The following EFNA4 variants were observed in gnomAD, a reference collection of about 807,000 sequenced individuals.
The protein encoded by EFNA4 is ephrin A4.
Under a neutral mutation model 23.7 loss-of-function variants are expected in EFNA4, and 22 were observed. That is an observed-to-expected ratio of 0.93 (90% CI 0.66 to 1.32). The LOEUF is 1.32. Ranked by LOEUF, EFNA4 falls within the 40% of genes most tolerant of loss-of-function variation. The probability of loss-of-function intolerance (pLI) is 0.00; values close to 1 mark genes in which losing one functional copy is unlikely to be tolerated. For synonymous variants in EFNA4, 113 were observed against 108.3 expected (o/e 1.04, Z -0.27); for missense variants, 252 against 252.3 (o/e 1.00, Z 0.01).
chr1:155,065,837 A>G (rs575894968), intron 1 of EFNA4, among the ~76,000 whole-genome samples: 4 of 152,002 alleles, frequency 2.6e-5, no homozygotes, highest in Admixed American at 2.6e-4. Context: ...GGTTCACGCC[A>G]TTCTCCTGCC....
Position 155,069,402 on chromosome 1 carries a change from G to A in EFNA4, c.*413G>A. The A allele has an allele frequency of 1.9e-6, 1 of 517,286 alleles. No homozygotes were observed. Among genetic ancestry groups the A allele is most frequent in the Non-Finnish European group, 3.3e-6 (1 of 299,484 alleles). 32.0% of individuals were successfully genotyped at this position (517,286 alleles called of 1,614,324 possible). ...TCTGTGCCCTGTGGGCCTTTTCCCT[G>A]GGGCAGCACCTTGCCCTCCCCAGGG... is the stretch of plus-strand genomic sequence containing the variant. On this transcript the variant is annotated 3_prime_UTR_variant, in exon 4 of 4. Transcript: ENST00000368409.
chr1:155,067,262 C>T lies in EFNA4; in HGVS notation c.401-110C>T, dbSNP rs143447984. The T allele has an allele frequency of 5.0e-4, 666 of 1,336,246 alleles. 2 individuals are homozygous for T. The African/African-American group carries it at 8.2e-3, about 16-fold the overall frequency. 82.8% of individuals were successfully genotyped at this position (1,336,246 alleles called of 1,614,324 possible). On this transcript the variant is annotated intron_variant, in intron 2 of 3. Coordinates refer to ENST00000368409, the MANE Select transcript of EFNA4 (RefSeq NM_005227.3). Reference sequence around the variant, plus strand: ...TGGGTGTGGCCCCAAAGTAAGGAAACGCTTTCCAGGGACCTGGAGAGAAGA... The same window carrying T: ...TGGGTGTGGCCCCAAAGTAAGGAAATGCTTTCCAGGGACCTGGAGAGAAGA...
chr1:155,066,808 AG>A lies in EFNA4; in HGVS notation c.195del (p.Pro67LeufsTer79). The A allele has an allele frequency of 6.2e-7, 1 of 1,613,758 alleles. No individual in the cohort carries two copies. The highest frequency in any genetic ancestry group is 8.5e-7 in the Non-Finnish European group (1 of 1,179,866). ...DIVCPHYEGP[G>X]PPEGPETFAL... ...TTGTCTGCCCCCACTACGAAGGCCCAGGGCCCCCTGAGGGCCCCGAGACGTT... is the reference window on the plus strand; with the variant it reads ...TTGTCTGCCCCCACTACGAAGGCCCAGGCCCCCTGAGGGCCCCGAGACGTT... On this transcript the variant is annotated frameshift_variant, in exon 2 of 4. Transcript: ENST00000368409. LOFTEE classifies it high-confidence loss of function.
In EFNA4 at chr1:155,069,151, C is replaced by G. The variant is rs570670486; in HGVS notation, c.*162C>G. On this transcript the variant is annotated 3_prime_UTR_variant, in exon 4 of 4. Coordinates refer to ENST00000368409, the MANE Select transcript of EFNA4 (RefSeq NM_005227.3). The stretch of plus-strand genomic sequence containing the variant: ...GGGTCTGAGGTGACTCTTGCAGGAG[C>G]CTGTCCCCTCATCACAGGCTAAAGA... 4 of 1,608,730 alleles carry G rather than the reference C, an allele frequency of 2.5e-6. No homozygotes were observed. Among genetic ancestry groups the G allele is most frequent in the Admixed American group, 1.7e-5 (1 of 58,114 alleles).
rs149262026 is a variant in EFNA4 at position 155,065,700 on chromosome 1, CTTTATTTATTTATTTA to C, written c.114-998_114-983del. 8.9e-4 allele frequency among the ~76,000 whole-genome samples: 110 copies of C among 123,868 alleles called. 1 individual carries two copies. The highest frequency in any genetic ancestry group is 2.7e-3 in the African/African-American group (86 of 31,606). 81.3% of individuals were successfully genotyped at this position (123,868 alleles called of 152,430 possible). A position where few individuals can be genotyped will look rare whatever the true frequency, so the allele number is the denominator to read the frequency against. ...ACAGGAGTGCACCACCACTCATGGC[CTTTATTTATTTATTTA>C]TTTATTTATTTATTTATTTATTTAT... On this transcript the variant is annotated intron_variant, in intron 1 of 3. Transcript: ENST00000368409.
At chr1:155,067,882 A>G (rs1188780274) in intron 3 of EFNA4, among the ~76,000 whole-genome samples, 1 of 150,286 alleles carries the variant, frequency 6.7e-6, no homozygotes, top group Non-Finnish European at 1.5e-5. Flanking sequence ...CAGCCTCCCA[A>G]AGTGCTGAGA....
At chr1:155,065,526 C>CTTT (rs71586050) in intron 1 of EFNA4, among the ~76,000 whole-genome samples, 1 of 131,590 alleles carries the variant, frequency 7.6e-6, no homozygotes. Flanking sequence ...CTCCCTCATT[C>CTTT]TTTTTTTTTT....
chr1:155,068,093 A>T lies in EFNA4; in HGVS notation c.469+653A>T, dbSNP rs114785244. ...GTGCCACCACAACTCACAACTGGCTAAATTACTTTTTATTTTTTGTAGAGA... is the reference window on the plus strand; with the variant it reads ...GTGCCACCACAACTCACAACTGGCTTAATTACTTTTTATTTTTTGTAGAGA... On this transcript the variant is annotated intron_variant, in intron 3 of 3. Coordinates refer to ENST00000368409, the MANE Select transcript of EFNA4 (RefSeq NM_005227.3). 1.3e-3 allele frequency among the ~76,000 whole-genome samples: 193 copies of T among 151,880 alleles called. 1 individual carries two copies. The highest frequency in any genetic ancestry group is 4.4e-3 in the African/African-American group (183 of 41,406).
chr1:155,064,081 G>C (rs903933202), intron 1 of EFNA4, 145 bp downstream of exon 1: 6 of 496,512 alleles, frequency 1.2e-5, no homozygotes, highest in African/African-American at 8.5e-5. Flanking sequence ...GGGGAGGGGG[G>C]AGGGGCGAGG....
chr1:155,068,427 A>ATTTTTTTTTTT (rs71077978), intron 3 of EFNA4, among the ~76,000 whole-genome samples: 2 of 25,378 alleles, frequency 7.9e-5, no homozygotes, highest in Non-Finnish European at 1.2e-4. Context: ...CACCCAGCTG[A>ATTTTTTTTTTT]TTTTTTTTTT....
intron 3 of EFNA4, among the ~76,000 whole-genome samples, chr1:155,068,427 ATTTTTTTTTTTTTTTT>A (rs71077978): frequency 2.4e-4 from 6 of 25,378 alleles, no homozygotes; most frequent in South Asian, 2.8e-3. Flanking sequence ...CACCCAGCTG[ATTTTTTTTTTTTTTTT>A]TTTTTTTTTT....
At position 155,063,926 on chromosome 1, in the gene EFNA4, A is replaced by G. The variant is rs1347586578; in HGVS notation, c.103A>G (p.Ser35Gly). Residue 35 changes from serine (S) to glycine (G), a missense_variant, in exon 1 of 4, where the codon AGT (serine) becomes GGT (glycine). Physicochemically the swap from Ser to Gly is moderately conservative, Grantham distance 56. Transcript: ENST00000368409. The surrounding 1 kb of genome is among the most constrained non-coding windows in gnomAD (Gnocchi z 4.1). ...CCGCCACGTAGTCTACTGGAACTCC[A>G]GTAACCCCAGGTAGCCGGGCCGAAC... ...SLRHVVYWNS[S>G]NPRLLRGDAV... The G allele has an allele frequency of 6.4e-7, 1 of 1,563,094 alleles. No individual in the cohort carries two copies. The highest frequency in any genetic ancestry group is 1.2e-5 in the South Asian group (1 of 84,558).
rs561212646 is a variant in EFNA4, at chr1:155,068,802, G to A, written c.470-51G>A. ...AACTGCTAATGGGAAGGGGAGGAAG[G>A]AGGATGGTAAAGTGGGAGGACTGAT... On this transcript the variant is annotated intron_variant, in intron 3 of 3. Transcript: ENST00000368409. The A allele has an allele frequency of 7.3e-5, 112 of 1,539,308 alleles. 2 individuals carry two copies. The East Asian group carries it at 2.4e-3, about 33-fold the overall frequency.
intron 1 of EFNA4, among the ~76,000 whole-genome samples, chr1:155,066,442 GTAGGACAGGGTGTGGTGACCC>G: frequency 6.6e-6 from 1 of 152,358 alleles, no homozygotes; most frequent in Admixed American, 6.5e-5. Flanking sequence ...GCTCCAGCCT[GTAGGACAGGGTGTGGTGACCC>G]TCCTTCTCAC....
chr1:155,067,043 CCT>C, intron 2 of EFNA4, 27 bp downstream of exon 2: 1 of 1,576,862 alleles, frequency 6.3e-7, no homozygotes, highest in East Asian at 2.2e-5. Flanking sequence ...ACACTGGACA[CCT>C]CTTGTGTACC....
rs775818108 is a variant in EFNA4, at chr1:155,069,070, G to T, written c.*81G>T. ...GGAGGAGGAGGGATCCCTGCTGCCT[G>T]CACTGGGGGTGCCAATTCAGACCGA... On this transcript the variant is annotated 3_prime_UTR_variant, in exon 4 of 4. Transcript: ENST00000368409. 1.9e-6 allele frequency: 3 copies of T among 1,611,672 alleles called. No individual in the cohort carries two copies. The highest frequency in any genetic ancestry group is 3.4e-5 in the Admixed American group (2 of 59,120).
intron 1 of EFNA4, among the ~76,000 whole-genome samples, chr1:155,064,340 C>T (rs1172509380): frequency 1.3e-5 from 2 of 152,226 alleles, no homozygotes; most frequent in African/African-American, 4.8e-5. Context: ...GGTTACTCTC[C>T]TGCCCGCTGG....
In EFNA4 at chr1:155,067,019, G is replaced by A; in HGVS notation, c.400+3G>A. ...TGGAGAGACTTACTACTACATCTGT[G>A]AGTGGCCAAGGGCACACTGGACACC... On this transcript the variant is annotated splice_donor_region_variant and intron_variant, in intron 2 of 3. Coordinates refer to ENST00000368409, the MANE Select transcript of EFNA4 (RefSeq NM_005227.3). 6.2e-7 allele frequency: 1 copy of A among 1,600,668 alleles called. No homozygotes were observed. Among genetic ancestry groups the A allele is most frequent in the African/African-American group, 1.3e-5 (1 of 74,690 alleles).
intron 3 of EFNA4, among the ~76,000 whole-genome samples, chr1:155,068,261 CT>C (rs35275098): frequency 0.055 from 7,849 of 141,500 alleles, 678 homozygotes; most frequent in African/African-American, 0.19. Flanking sequence ...TCACTGCACA[CT>C]TTTTTTTTTT....
Sources: allele counts gnomAD v4.1 joint callset (sites outside exome capture counted in the v4.1 genomes callset), GRCh38; gene constraint gnomAD v4.1.1; non-coding constraint Gnocchi (gnomAD v3.1); transcripts MANE v1.5; gene names NCBI Gene and HGNC (gene_info 2026-07-23, HGNC 2026-07-21).